Variants in DNAJC1 observed in about 807,000 individuals in gnomAD.
The protein encoded by DNAJC1 is DnaJ heat shock protein family (Hsp40) member C1.
Under a neutral mutation model 76.6 loss-of-function variants are expected in DNAJC1, and 58 were observed. That is an observed-to-expected ratio of 0.76 (90% CI 0.61 to 0.94). The LOEUF is 0.94. Ranked by LOEUF, DNAJC1 falls within the 40% of genes least tolerant of loss-of-function variation. The pLI, the probability that DNAJC1 is intolerant of heterozygous loss-of-function variation, is 0.00. For missense variants in DNAJC1, 689 were observed against 677.3 expected, an observed-to-expected ratio of 1.02 and a Z score of -0.19; for synonymous variants, 258 against 267.9, an observed-to-expected ratio of 0.96 and a Z score of 0.36.
intron 8 of DNAJC1, among the ~76,000 whole-genome samples, chr10:21,881,940 G>A (rs1836287573): frequency 6.6e-6 from 1 of 151,462 alleles, no homozygotes; most frequent in African/African-American, 2.4e-5. Context: ...AGATCATGAG[G>A]TCAGAAGATC....
chr10:21,770,762 A>C (rs1347595044), intron 9 of DNAJC1, among the ~76,000 whole-genome samples: 2 of 152,166 alleles, frequency 1.3e-5, no homozygotes, highest in African/African-American at 4.8e-5. Flanking sequence ...AGATGTGCAA[A>C]TAAGTTCTCC....
At chr10:21,965,979 G>T (rs1342194796) in intron 1 of DNAJC1, among the ~76,000 whole-genome samples, 1 of 152,052 alleles carries the variant, frequency 6.6e-6, no homozygotes, top group East Asian at 1.9e-4. Flanking sequence ...ACTGCATTTG[G>T]TTTTCAGATC....
chr10:21,839,691 A>G (rs1378194060), intron 8 of DNAJC1, among the ~76,000 whole-genome samples: 2 of 152,204 alleles, frequency 1.3e-5, no homozygotes, highest in East Asian at 1.9e-4. Flanking sequence ...AGCTGGTACC[A>G]TTCCTTCTGA....
rs116954864 is a variant in DNAJC1 at position 21,948,762 on chromosome 10, C to A, written c.223-19621G>T. Among the ~76,000 whole-genome samples the A allele has an allele frequency of 1.2e-3, 180 of 152,174 alleles. 1 individual carries two copies. In the Middle Eastern group the frequency reaches 0.014, roughly 12 times the overall value. On this transcript the variant is annotated intron_variant, in intron 1 of 11. Coordinates refer to ENST00000376980, the MANE Select transcript of DNAJC1 (RefSeq NM_022365.4). Reference sequence around the variant, plus strand: ...CATCCATTGGGATTTTAGAACGTATCCCCTACAGATAACGGGAGACTACTG... The same window carrying A: ...CATCCATTGGGATTTTAGAACGTATACCCTACAGATAACGGGAGACTACTG...
chr10:21,843,422 C>A (rs1835603425), intron 8 of DNAJC1, among the ~76,000 whole-genome samples: 1 of 136,202 alleles, frequency 7.3e-6, no homozygotes. Flanking sequence ...GAGACAGAGT[C>A]TCACTCTGTC....
At chr10:21,867,646 C>G (rs528556565) in intron 8 of DNAJC1, among the ~76,000 whole-genome samples, 3 of 152,234 alleles carry the variant, frequency 2.0e-5, no homozygotes, top group African/African-American at 7.2e-5. Flanking sequence ...CTGGCTAAGA[C>G]CAACTGGTTC....
chr10:21,848,390 C>A (rs185207965), intron 8 of DNAJC1, among the ~76,000 whole-genome samples: 1 of 152,164 alleles, frequency 6.6e-6, no homozygotes, highest in South Asian at 2.1e-4. Flanking sequence ...TTCCTCCATT[C>A]CATAGGCTGT....
chr10:21,958,795 A>G (rs745388663), intron 1 of DNAJC1, among the ~76,000 whole-genome samples: 6 of 152,084 alleles, frequency 3.9e-5, no homozygotes, highest in Non-Finnish European at 7.4e-5. Context: ...TTTAAACGTC[A>G]GATTTGGCAG....
intron 7 of DNAJC1, among the ~76,000 whole-genome samples, chr10:21,894,831 C>T (rs898506433): frequency 5.9e-5 from 9 of 152,122 alleles, no homozygotes; most frequent in Admixed American, 1.3e-4. Context: ...GCATGCTGTC[C>T]CCTTTCTTCT....
chr10:21,772,713 T>G (rs1834401825), intron 9 of DNAJC1, among the ~76,000 whole-genome samples: 1 of 152,174 alleles, frequency 6.6e-6, no homozygotes, highest in African/African-American at 2.4e-5. Flanking sequence ...TTTCTCTATT[T>G]CTTTATTGTT....
At chr10:21,957,153 G>C (rs1241880254) in intron 1 of DNAJC1, among the ~76,000 whole-genome samples, 1 of 152,048 alleles carries the variant, frequency 6.6e-6, no homozygotes, top group Non-Finnish European at 1.5e-5. Context: ...GCCTCCCAAA[G>C]TGCTGGGATT....
chr10:21,784,653 A>G (rs1322579253), intron 9 of DNAJC1, among the ~76,000 whole-genome samples: 1 of 152,214 alleles, frequency 6.6e-6, no homozygotes, highest in Non-Finnish European at 1.5e-5. Flanking sequence ...ACCAACCCAA[A>G]TGTCCATCAA....
intron 1 of DNAJC1, among the ~76,000 whole-genome samples, chr10:21,942,754 C>T (rs570062473): frequency 1.6e-3 from 224 of 143,172 alleles, no homozygotes; most frequent in Middle Eastern, 3.7e-3. Flanking sequence ...TGTAGTGAGC[C>T]GAGATTGTGC....
At chr10:21,789,506 A>G (rs971179489) in intron 9 of DNAJC1, among the ~76,000 whole-genome samples, 3 of 152,224 alleles carry the variant, frequency 2.0e-5, no homozygotes, top group Admixed American at 6.5e-5. Flanking sequence ...CGACTCTTCA[A>G]TAACAAACCC....
intron 7 of DNAJC1, among the ~76,000 whole-genome samples, chr10:21,891,477 A>C (rs1323669965): frequency 4.0e-5 from 5 of 126,250 alleles, no homozygotes; most frequent in South Asian, 2.4e-4. Context: ...CAAAGTAGAC[A>C]AAAAAAAAAA....
intron 1 of DNAJC1, among the ~76,000 whole-genome samples, chr10:21,939,687 G>A (rs2131794455): frequency 6.6e-6 from 1 of 152,174 alleles, no homozygotes; most frequent in African/African-American, 2.4e-5. Flanking sequence ...GTTTGTGAAA[G>A]TGCACTCCAT....
intron 1 of DNAJC1, among the ~76,000 whole-genome samples, chr10:21,978,188 A>G (rs1262060217): frequency 6.6e-6 from 1 of 152,176 alleles, no homozygotes; most frequent in African/African-American, 2.4e-5. Flanking sequence ...ATATTCAAAA[A>G]GTACTTATGA....
At chr10:21,782,712 T>A (rs567737318) in intron 9 of DNAJC1, among the ~76,000 whole-genome samples, 5 of 152,186 alleles carry the variant, frequency 3.3e-5, no homozygotes, top group Non-Finnish European at 5.9e-5. Context: ...CATGATCAAG[T>A]GGGCTTCATC....
At chr10:21,897,505 C>CGT (rs1448165247) in intron 7 of DNAJC1, among the ~76,000 whole-genome samples, 1 of 152,158 alleles carries the variant, frequency 6.6e-6, no homozygotes, top group African/African-American at 2.4e-5. Context: ...AGGAACCAGA[C>CGT]CGCCTAGCAG....
Sources: allele counts gnomAD v4.1 joint callset (sites outside exome capture counted in the v4.1 genomes callset), GRCh38; gene constraint gnomAD v4.1.1; transcripts MANE v1.5; gene names NCBI Gene and HGNC (gene_info 2026-07-23, HGNC 2026-07-21).